The following TRERF1 variants were observed in gnomAD, a reference collection of about 807,000 sequenced individuals.
TRERF1 encodes the protein transcriptional-regulating factor 1.
TRERF1 carries 27 observed loss-of-function variants against 122.9 expected under a neutral mutation model. The ratio of observed to expected loss-of-function variants is 0.22; its 90% CI spans 0.16 to 0.30. The LOEUF (loss-of-function observed/expected upper bound fraction) is 0.30. Ranked by LOEUF, TRERF1 falls within the 10% of genes least tolerant of loss-of-function variation. TRERF1 has a pLI of 1.00. For missense variants in TRERF1, 1,248 were observed against 1,560.3 expected (o/e 0.80, Z 3.37); for synonymous variants, 636 against 641.7 (o/e 0.99, Z 0.13).
chr6:42,299,884 C>T (rs1157343720), intron 4 of TRERF1, among the ~76,000 whole-genome samples: 3 of 152,170 alleles, frequency 2.0e-5, no homozygotes, highest in South Asian at 2.1e-4. Context: ...CACTGAAGAA[C>T]GAATGGTGAA....
intron 3 of TRERF1, among the ~76,000 whole-genome samples, chr6:42,333,628 G>C (rs1370531445): frequency 6.8e-6 from 1 of 147,484 alleles, no homozygotes; most frequent in Non-Finnish European, 1.5e-5. Flanking sequence ...CCCACCACTG[G>C]TAGGTAAAGG....
At chr6:42,427,726 T>G (rs1011641571) in intron 2 of TRERF1, among the ~76,000 whole-genome samples, 1 of 151,664 alleles carries the variant, frequency 6.6e-6, no homozygotes, top group Non-Finnish European at 1.5e-5. Context: ...ATCTTTGTAT[T>G]TTTTGTAGAG....
At chr6:42,310,196 T>C (rs988607760) in intron 3 of TRERF1, among the ~76,000 whole-genome samples, 26 of 152,320 alleles carry the variant, frequency 1.7e-4, no homozygotes, top group African/African-American at 5.8e-4. Context: ...CTCTAACTTC[T>C]GGGCTCAGGC....
rs570149742 is a variant in TRERF1 at position 42,256,782 on chromosome 6, C to T, written c.2526G>A (p.Gly842=). The T allele has an allele frequency of 1.2e-5, 19 of 1,614,222 alleles. No individual in the cohort carries two copies. The South Asian group carries it at 1.5e-4, about 13-fold the overall frequency. Residue 842 remains glycine (G), a synonymous_variant, in exon 12 of 18, where the codon GGG becomes GGA. Coordinates refer to ENST00000372922, the Ensembl canonical transcript of TRERF1. ...AGTGCAAAGCAAATTCAGAATTGGT[C>T]CCTCCACCTGGCAATGCACTGGAAC...
chr6:42,357,365 C>T (rs980821235), intron 3 of TRERF1, among the ~76,000 whole-genome samples: 1 of 148,838 alleles, frequency 6.7e-6, no homozygotes, highest in Non-Finnish European at 1.5e-5. Context: ...CCAGTGTCTG[C>T]TAGAACATGC....
chr6:42,435,643 GATAA>G (rs1473140709), intron 2 of TRERF1, among the ~76,000 whole-genome samples: 1 of 152,114 alleles, frequency 6.6e-6, no homozygotes, highest in African/African-American at 2.4e-5. Context: ...GTTAAAAAAT[GATAA>G]ATAAGGTAAA....
intron 2 of TRERF1, among the ~76,000 whole-genome samples, chr6:42,412,120 C>T (rs1562160818): frequency 6.6e-6 from 1 of 151,422 alleles, no homozygotes. Context: ...CCTGCCTCAG[C>T]CTCCCAAGTA....
chr6:42,268,529 G>T lies in TRERF1; in HGVS notation c.1062C>A (p.Asp354Glu). 18 of 1,614,050 alleles carry T rather than the reference G, an allele frequency of 1.1e-5. No individual in the cohort carries two copies. The highest frequency in any genetic ancestry group is 1.5e-5 in the Non-Finnish European group (18 of 1,179,986). ...CCTGCTCTGGGGTATACTGGTGAGGGTCCCTGTGATAAGAAGGAGGCTGCA... is the reference window on the plus strand; with the variant it reads ...CCTGCTCTGGGGTATACTGGTGAGGTTCCCTGTGATAAGAAGGAGGCTGCA... Residue 354 changes from aspartate (D) to glutamate (E), a missense_variant, in exon 5 of 18, where the codon GAC becomes GAA. Physicochemically the swap from Asp to Glu is conservative, Grantham distance 45. Coordinates refer to ENST00000372922, the Ensembl canonical transcript of TRERF1. The surrounding 1 kb of genome is among the most constrained non-coding windows in gnomAD (Gnocchi z 4.4).
intron 4 of TRERF1, among the ~76,000 whole-genome samples, chr6:42,288,200 T>TA (rs1435587362): frequency 6.6e-6 from 1 of 152,006 alleles, no homozygotes; most frequent in East Asian, 1.9e-4. Context: ...GTCAGTTATA[T>TA]AGGGCTTGCA....
intron 2 of TRERF1, among the ~76,000 whole-genome samples, chr6:42,379,419 A>T (rs1775514826): frequency 6.6e-6 from 1 of 152,068 alleles, no homozygotes; most frequent in Non-Finnish European, 1.5e-5. Context: ...AAGGGCCTGG[A>T]GGCCTTTCAT....
chr6:42,356,150 G>A (rs1770493234), intron 3 of TRERF1, among the ~76,000 whole-genome samples: 1 of 152,180 alleles, frequency 6.6e-6, no homozygotes, highest in South Asian at 2.1e-4. Context: ...CCACAACAAG[G>A]AACACTTGTC....
Position 42,276,000 on chromosome 6 carries a change from T to C in TRERF1, c.-258-6152A>G, listed in dbSNP as rs1352648250. 6.6e-6 allele frequency among the ~76,000 whole-genome samples: 1 copy of C among 152,272 alleles called. No homozygotes were observed. Among genetic ancestry groups the C allele is most frequent in the Non-Finnish European group, 1.5e-5 (1 of 68,038 alleles). On this transcript the variant is annotated intron_variant, in intron 4 of 17. Coordinates refer to ENST00000372922, the Ensembl canonical transcript of TRERF1. The surrounding 1 kb of genome is among the most constrained non-coding windows in gnomAD (Gnocchi z 4.1). The stretch of plus-strand genomic sequence containing the variant: ...TCACATGCCAAATTCTGTTCTTCTT[T>C]TGATTTTTCTTCAACCAATTAAAAA...
intron 2 of TRERF1, among the ~76,000 whole-genome samples, chr6:42,431,549 T>A (rs938881600): frequency 3.3e-5 from 5 of 152,194 alleles, no homozygotes; most frequent in Non-Finnish European, 7.3e-5. Context: ...CTCCAATTAG[T>A]GGGCCCTCTA....
chr6:42,404,520 G>T (rs1184861441), intron 2 of TRERF1, among the ~76,000 whole-genome samples: 1 of 151,708 alleles, frequency 6.6e-6, no homozygotes, highest in Non-Finnish European at 1.5e-5. Flanking sequence ...TCTTGAATGT[G>T]AAGCCAATGC....
At chr6:42,297,719 G>T (rs564039655) in intron 4 of TRERF1, among the ~76,000 whole-genome samples, 1 of 152,256 alleles carries the variant, frequency 6.6e-6, no homozygotes, top group South Asian at 2.1e-4. Flanking sequence ...AGTGATTTTT[G>T]TTGGTAATGC....
Position 42,228,695 on chromosome 6 carries a change from TA to T in TRERF1, c.3279-27del. On this transcript the variant is annotated intron_variant, in intron 17 of 17. Coordinates refer to ENST00000372922, the Ensembl canonical transcript of TRERF1. The surrounding 1 kb of genome is among the most constrained non-coding windows in gnomAD (Gnocchi z 4.2). ...CTAAAAATAAAGAAAGAGAGGTGTG[TA>T]GAATTTAGAAGGAGATCTGAGTTCT... The T allele has an allele frequency of 6.4e-7, 1 of 1,557,004 alleles. No homozygotes were observed. Among genetic ancestry groups the T allele is most frequent in the Non-Finnish European group, 8.7e-7 (1 of 1,154,460 alleles).
At chr6:42,409,200 G>C (rs945794700) in intron 2 of TRERF1, among the ~76,000 whole-genome samples, 1 of 151,952 alleles carries the variant, frequency 6.6e-6, no homozygotes, top group African/African-American at 2.4e-5. Context: ...GATTGCCTGC[G>C]CCCAGGAAGT....
In TRERF1 at chr6:42,307,018, T is replaced by C. The variant is rs574125637; in HGVS notation, c.-370-6269A>G. 2.7e-3 allele frequency among the ~76,000 whole-genome samples: 409 copies of C among 152,278 alleles called. 3 individuals carry two copies. The highest frequency in any genetic ancestry group is 9.3e-3 in the African/African-American group (387 of 41,550). On this transcript the variant is annotated intron_variant, in intron 3 of 17. Coordinates refer to ENST00000372922, the Ensembl canonical transcript of TRERF1. ...TTGAACACCCTGTTAAACAAGAGCG[T>C]GTAAAGCTCGCCAGGTGGTTGTGAT...
At chr6:42,438,278 G>A (rs905802517) in intron 2 of TRERF1, among the ~76,000 whole-genome samples, 13 of 151,520 alleles carry the variant, frequency 8.6e-5, no homozygotes, top group South Asian at 4.2e-4. Context: ...AGGTAAGGTC[G>A]CCATGGCCAG....
Sources: allele counts gnomAD v4.1 joint callset (sites outside exome capture counted in the v4.1 genomes callset), GRCh38; gene constraint gnomAD v4.1.1; non-coding constraint Gnocchi (gnomAD v3.1); transcripts MANE v1.5; gene names NCBI Gene and HGNC (gene_info 2026-07-23, HGNC 2026-07-21).